LRP1B: variants seen among roughly 807,000 people sequenced by gnomAD.
LRP1B encodes the protein LDL receptor related protein 1B.
In LRP1B, 217 loss-of-function variants were observed where a neutral mutation model predicts 556.6. That is an observed-to-expected ratio of 0.39 (90% confidence interval 0.35 to 0.44). The LOEUF (loss-of-function observed/expected upper bound fraction) is 0.44. Ranked by LOEUF, LRP1B falls within the 20% of genes least tolerant of loss-of-function variation. LRP1B has a pLI of 1.00. For synonymous variants in LRP1B, 2,047 were observed against 1,865.8 expected (o/e 1.10, Z -2.50); for missense variants, 5,053 against 5,620.8 (o/e 0.90, Z 3.23).
At chr2:141,733,921 T>C (rs1468949456) in intron 2 of LRP1B, among the ~76,000 whole-genome samples, 1 of 152,138 alleles carries the variant, frequency 6.6e-6, no homozygotes, top group African/African-American at 2.4e-5. Flanking sequence ...CTATAATGTT[T>C]AATTGCACTT....
intron 32 of LRP1B, among the ~76,000 whole-genome samples, chr2:140,806,548 C>T (rs1485651519): frequency 6.6e-6 from 1 of 152,088 alleles, no homozygotes; most frequent in Admixed American, 6.6e-5. Flanking sequence ...ACTCATACCC[C>T]TTATAGGGCC....
At chr2:140,311,370 G>GT (rs558028415) in intron 83 of LRP1B, among the ~76,000 whole-genome samples, 108 of 151,868 alleles carry the variant, frequency 7.1e-4, no homozygotes, top group African/African-American at 2.4e-3. Context: ...ATAAAATCAT[G>GT]TTTTTTGTAG....
intron 43 of LRP1B, among the ~76,000 whole-genome samples, chr2:140,568,024 T>G (rs749346615): frequency 1.3e-5 from 2 of 151,992 alleles, no homozygotes; most frequent in Non-Finnish European, 2.9e-5. Context: ...GAGGTGATTG[T>G]TCCACCAGAA....
chr2:141,088,149 TG>T (rs1487216828), intron 7 of LRP1B, among the ~76,000 whole-genome samples: 3 of 152,196 alleles, frequency 2.0e-5, no homozygotes, highest in Non-Finnish European at 4.4e-5. Context: ...GTTTGAATTT[TG>T]TTAGTTATGT....
chr2:141,118,886 G>T (rs920284787), intron 7 of LRP1B, among the ~76,000 whole-genome samples: 1 of 151,634 alleles, frequency 6.6e-6, no homozygotes, highest in Non-Finnish European at 1.5e-5. Context: ...TGTCCTTTAA[G>T]TTCAAAGCAG....
intron 7 of LRP1B, among the ~76,000 whole-genome samples, chr2:141,073,462 T>C (rs1471973697): frequency 6.6e-6 from 1 of 152,066 alleles, no homozygotes; most frequent in Non-Finnish European, 1.5e-5. Context: ...ATTCTACTAA[T>C]GGAGTACTTC....
chr2:141,484,220 A>G (rs1378762514), intron 2 of LRP1B, among the ~76,000 whole-genome samples: 1 of 146,364 alleles, frequency 6.8e-6, no homozygotes, highest in Non-Finnish European at 1.5e-5. Flanking sequence ...TAAATAGGGA[A>G]TCCTTTCCCC....
chr2:140,598,518 T>A, intron 43 of LRP1B, 113 bp downstream of exon 43: 1 of 750,474 alleles, frequency 1.3e-6, no homozygotes, highest in Non-Finnish European at 2.2e-6. Context: ...ATTGTTTCAA[T>A]CAACTGGCTA....
At chr2:141,365,427 C>T (rs1319319692) in intron 3 of LRP1B, among the ~76,000 whole-genome samples, 1 of 150,870 alleles carries the variant, frequency 6.6e-6, no homozygotes, top group African/African-American at 2.4e-5. Context: ...ATGTTAGAGT[C>T]CCATAAAGAA....
chr2:141,553,172 T>TAG (rs1030847119), intron 2 of LRP1B, among the ~76,000 whole-genome samples: 7 of 151,960 alleles, frequency 4.6e-5, no homozygotes, highest in Middle Eastern at 3.4e-3. Context: ...CTGCTGCCTA[T>TAG]AACTGATAAC....
intron 28 of LRP1B, 47 bp downstream of exon 28, chr2:140,851,605 G>T (rs745932409): frequency 7.6e-6 from 12 of 1,579,950 alleles, no homozygotes; most frequent in South Asian, 1.2e-5. Flanking sequence ...TAATTTGAGA[G>T]AATTCAATTT....
chr2:141,106,981 T>C (rs923318049), intron 7 of LRP1B, among the ~76,000 whole-genome samples: 3 of 152,148 alleles, frequency 2.0e-5, no homozygotes, highest in African/African-American at 7.2e-5. Flanking sequence ...GATAAACTAA[T>C]TGTTTTTTTT....
At chr2:142,056,160 AAAAAAT>A in intron 1 of LRP1B, among the ~76,000 whole-genome samples, 1 of 152,250 alleles carries the variant, frequency 6.6e-6, no homozygotes, top group East Asian at 1.9e-4. Context: ...CAGAAAAAAT[AAAAAAT>A]AAAAAGTGTT....
chr2:141,066,505 A>T (rs955705819), intron 7 of LRP1B, among the ~76,000 whole-genome samples: 1 of 152,022 alleles, frequency 6.6e-6, no homozygotes, highest in Non-Finnish European at 1.5e-5. Context: ...TGTTATACAT[A>T]CTGACATCTT....
At chr2:140,935,092 T>G (rs1695164725) in intron 20 of LRP1B, among the ~76,000 whole-genome samples, 1 of 152,070 alleles carries the variant, frequency 6.6e-6, no homozygotes, top group South Asian at 2.1e-4. Flanking sequence ...AATTTCTAGT[T>G]TTCAACAAAA....
At chr2:141,827,368 A>G (rs1353734798) in intron 1 of LRP1B, among the ~76,000 whole-genome samples, 2 of 152,246 alleles carry the variant, frequency 1.3e-5, no homozygotes, top group African/African-American at 4.8e-5. Flanking sequence ...AACATACTCT[A>G]TCCTGTAAAC....
Position 141,344,616 on chromosome 2 carries a change from T to C in LRP1B, c.344-89975A>G, listed in dbSNP as rs562678829. On this transcript the variant is annotated intron_variant, in intron 3 of 90. Transcript: ENST00000389484. The stretch of plus-strand genomic sequence containing the variant: ...TATTTTTTCTTCTCAGCACGTATTC[T>C]CATATATGTTATGTATTTAACTTTT... 8.5e-5 allele frequency among the ~76,000 whole-genome samples: 13 copies of C among 152,328 alleles called. 1 individual carries two copies. The South Asian group carries it at 2.5e-3, about 29-fold the overall frequency.
chr2:141,039,307 T>G (rs1470169907), intron 11 of LRP1B, among the ~76,000 whole-genome samples: 1 of 151,960 alleles, frequency 6.6e-6, no homozygotes, highest in Non-Finnish European at 1.5e-5. Flanking sequence ...TTATAGCATG[T>G]TGTTATAATT....
At chr2:141,263,934 T>A (rs1684794547) in intron 3 of LRP1B, among the ~76,000 whole-genome samples, 1 of 152,124 alleles carries the variant, frequency 6.6e-6, no homozygotes, top group Non-Finnish European at 1.5e-5. Context: ...CAATACCCAT[T>A]CATTATTTAA....
Sources: gnomAD v4.1 joint callset for allele counts (sites outside exome capture counted in the v4.1 genomes callset) on GRCh38, gnomAD v4.1.1 for gene constraint, MANE v1.5 for transcripts, NCBI Gene and HGNC (gene_info 2026-07-23, HGNC 2026-07-21) for gene names.